TAF4: variants seen among roughly 807,000 people sequenced by gnomAD.
TAF4 encodes TATA-box binding protein associated factor 4.
A neutral mutation model predicts 90.3 loss-of-function variants in TAF4; 9 were observed. The ratio of observed to expected loss-of-function variants is 0.10; its 90% CI spans 0.06 to 0.17. The LOEUF is 0.17. Among genes scored for constraint, TAF4 ranks in the 10% least tolerant of loss-of-function variants. The probability of loss-of-function intolerance (pLI) is 1.00; values close to 1 mark genes in which losing one functional copy is unlikely to be tolerated. For synonymous variants in TAF4, 818 were observed against 638.9 expected (o/e 1.28, Z -4.23); for missense variants, 1,351 against 1,370.7 (o/e 0.99, Z 0.23).
intron 14 of TAF4, among the ~76,000 whole-genome samples, chr20:61,985,991 T>TCCCCGACCAAAGGAAGC (rs1568922367): frequency 4.0e-5 from 4 of 100,768 alleles, no homozygotes; most frequent in African/African-American, 8.3e-5. Flanking sequence ...TCAAAGGAAA[T>TCCCCGACCAAAGGAAGC]ACCATCCCCA....
chr20:61,994,970 G>C (rs1428042741), intron 14 of TAF4, among the ~76,000 whole-genome samples: 1 of 152,194 alleles, frequency 6.6e-6, no homozygotes. Flanking sequence ...ACCCAGACAG[G>C]AAAGACAGAG....
intron 14 of TAF4, among the ~76,000 whole-genome samples, chr20:61,977,261 G>A (rs1215956364): frequency 2.6e-5 from 4 of 151,598 alleles, no homozygotes; most frequent in African/African-American, 4.9e-5. Flanking sequence ...ACACGACACC[G>A]CCCAGCGGGG....
chr20:62,041,852 T>C (rs1028157184), intron 1 of TAF4, among the ~76,000 whole-genome samples: 1 of 150,208 alleles, frequency 6.7e-6, no homozygotes, highest in Non-Finnish European at 1.5e-5. Flanking sequence ...GAGGATCACA[T>C]GAGCCCAGGA....
In TAF4 at chr20:61,981,304, G is replaced by A. The variant is rs554959045; in HGVS notation, c.3091-4969C>T. 2.0e-5 allele frequency: 3 copies of A among 152,314 alleles called. No homozygotes were observed. The South Asian group carries it at 6.2e-4, about 32-fold the overall frequency. 9.4% of individuals were successfully genotyped at this position (152,314 alleles called of 1,614,324 possible). On this transcript the variant is annotated intron_variant, in intron 14 of 14. Transcript: ENST00000252996. The stretch of plus-strand genomic sequence containing the variant: ...AAAAATGGGGGCTCCACACACATCA[G>A]AGAAAAACCTACCCTGGAACAACAA...
intron 1 of TAF4, among the ~76,000 whole-genome samples, chr20:62,048,197 G>A (rs1011008730): frequency 5.3e-5 from 8 of 152,216 alleles, no homozygotes; most frequent in African/African-American, 1.9e-4. Flanking sequence ...GCTGGCGCGT[G>A]CCTGCCCAAG....
intron 14 of TAF4, among the ~76,000 whole-genome samples, chr20:61,985,349 CAGG>C (rs1327391834): frequency 2.0e-5 from 3 of 151,922 alleles, no homozygotes. Context: ...GGGGCTGAGG[CAGG>C]AGGATTGCTG....
At chr20:62,028,827 A>T (rs1229012371) in intron 1 of TAF4, among the ~76,000 whole-genome samples, 1 of 152,204 alleles carries the variant, frequency 6.6e-6, no homozygotes, top group African/African-American at 2.4e-5. Flanking sequence ...ATGATACTCA[A>T]CAAAGGCACA....
At position 61,975,357 on chromosome 20, in the gene TAF4, G is replaced by C. The variant is rs2055486483; in HGVS notation, c.*811C>G. 6.6e-6 allele frequency: 1 copy of C among 152,022 alleles called. No homozygotes were observed. Among genetic ancestry groups the C allele is most frequent in the African/African-American group, 2.4e-5 (1 of 41,252 alleles). The allele number at this position is 152,022 out of a possible 1,614,324, so 9.4% of individuals were successfully genotyped here. A position where few individuals can be genotyped will look rare whatever the true frequency, so the allele number is the denominator to read the frequency against. ...GATTCACACCGAGAAACAGTCTTTTGATGATTCTTCTCAACTTTGATTTTA... is the reference window on the plus strand; with the variant it reads ...GATTCACACCGAGAAACAGTCTTTTCATGATTCTTCTCAACTTTGATTTTA... On this transcript the variant is annotated 3_prime_UTR_variant, in exon 15 of 15. Transcript: ENST00000252996.
At chr20:62,036,323 C>T (rs1383650147) in intron 1 of TAF4, among the ~76,000 whole-genome samples, 2 of 152,222 alleles carry the variant, frequency 1.3e-5, no homozygotes, top group African/African-American at 2.4e-5. Flanking sequence ...CCGCGCCTGG[C>T]TCATTAATTA....
intron 1 of TAF4, among the ~76,000 whole-genome samples, chr20:62,017,287 C>T (rs375818647): frequency 2.9e-4 from 44 of 152,312 alleles, no homozygotes; most frequent in African/African-American, 1.0e-3. Context: ...AATGTCAAAC[C>T]TGACATTCTC....
intron 14 of TAF4, among the ~76,000 whole-genome samples, chr20:61,986,488 C>G (rs2055593327): frequency 1.3e-5 from 2 of 149,884 alleles, no homozygotes; most frequent in Admixed American, 6.6e-5. Flanking sequence ...CATCCCCAAT[C>G]AAAGGAAACA....
chr20:62,064,145 G>T (rs966658907), intron 1 of TAF4, among the ~76,000 whole-genome samples: 1 of 152,238 alleles, frequency 6.6e-6, no homozygotes, highest in African/African-American at 2.4e-5. Flanking sequence ...GCGGGAGCAG[G>T]TAAGGACCAC....
intron 1 of TAF4, among the ~76,000 whole-genome samples, chr20:62,025,139 ACTC>A (rs1460415428): frequency 1.7e-4 from 26 of 151,934 alleles, no homozygotes; most frequent in African/African-American, 6.3e-4. Context: ...AGTTAAACAT[ACTC>A]CTCATGTAGG....
intron 1 of TAF4, among the ~76,000 whole-genome samples, chr20:62,046,270 G>T (rs1337643210): frequency 6.6e-6 from 1 of 152,222 alleles, no homozygotes; most frequent in East Asian, 1.9e-4. Flanking sequence ...TTTTAAGTGT[G>T]CAATTTGAAA....
chr20:62,003,170 C>T lies in TAF4; in HGVS notation c.2476G>A (p.Gly826Ser), dbSNP rs1224550958. The change falls in exon 9 of 15, where the codon GGT (glycine) becomes AGT (serine). Residue 826 changes from glycine (G) to serine (S), a missense_variant. Coordinates refer to ENST00000252996, the MANE Select transcript of TAF4 (RefSeq NM_003185.4). ...QKNKLKEPGG[G>S]SFRDDDDIND... ...AGGCCCATTCCTTACCGAAACGAAC[C>T]TCCCCCAGGCTCCTTGAGTTTATTT... 1.2e-6 allele frequency: 2 copies of T among 1,614,168 alleles called. No homozygotes were observed. Among genetic ancestry groups the T allele is most frequent in the South Asian group, 1.1e-5 (1 of 91,086 alleles).
chr20:62,026,625 C>CA (rs886930742), intron 1 of TAF4, among the ~76,000 whole-genome samples: 29 of 152,214 alleles, frequency 1.9e-4, no homozygotes, highest in Non-Finnish European at 3.7e-4. Context: ...GCACCCTCCA[C>CA]ACCCTCTGGA....
chr20:62,011,251 T>A (rs2055776234), intron 3 of TAF4, among the ~76,000 whole-genome samples: 1 of 152,090 alleles, frequency 6.6e-6, no homozygotes, highest in Admixed American at 6.5e-5. Flanking sequence ...GAAGAAAACA[T>A]AAAAGGACAC....
At chr20:61,999,928 AAC>A (rs1568927026) in intron 11 of TAF4, among the ~76,000 whole-genome samples, 194 bp downstream of exon 11, 1 of 152,198 alleles carries the variant, frequency 6.6e-6, no homozygotes, top group East Asian at 1.9e-4. Context: ...CAGCCTGGGC[AAC>A]AGAGTGAGAC....
Position 62,012,834 on chromosome 20 carries a change from T to C in TAF4, c.1622A>G (p.Gln541Arg), listed in dbSNP as rs751692532. The C allele has an allele frequency of 1.2e-6, 2 of 1,613,726 alleles. No individual in the cohort carries two copies. Among genetic ancestry groups the C allele is most frequent in the African/African-American group, 2.7e-5 (2 of 74,920 alleles). Residue 541 changes from glutamine (Q) to arginine (R), a missense_variant, in exon 3 of 15, where the codon CAG (glutamine) becomes CGG (arginine). Gln to Arg is a conservative substitution (Grantham distance 43). Transcript: ENST00000252996. ...TCTCACCTGGACGCCGGGCGAGCGCTGCAGGGTTGCACTGGGCTGCACCGT... is the reference window on the plus strand; with the variant it reads ...TCTCACCTGGACGCCGGGCGAGCGCCGCAGGGTTGCACTGGGCTGCACCGT... ...QTTVQPSATL[Q>R]RSPGVQPQLV...
Sources: allele counts gnomAD v4.1 joint callset (sites outside exome capture counted in the v4.1 genomes callset), GRCh38; gene constraint gnomAD v4.1.1; transcripts MANE v1.5; gene names NCBI Gene and HGNC (gene_info 2026-07-23, HGNC 2026-07-21).